The following PCDHA6 variants were observed in gnomAD, a reference collection of about 807,000 sequenced individuals.
PCDHA6 encodes protocadherin alpha-6.
In PCDHA6, 55 loss-of-function variants were observed where a neutral mutation model predicts 60.3. The observed-to-expected ratio is 0.91, with a 90% CI of 0.73 to 1.14. PCDHA6 has a LOEUF of 1.14. Among genes scored for constraint, PCDHA6 ranks in the 50% most tolerant of loss-of-function variants. The pLI is 0.00. For synonymous variants in PCDHA6, 652 were observed against 557.9 expected (o/e 1.17, Z -2.38); for missense variants, 1,327 against 1,256.5 (o/e 1.06, Z -0.85).
At chr5:140,992,708 C>T (rs2097525816) in intron 3 of PCDHA6, among the ~76,000 whole-genome samples, 1 of 152,100 alleles carries the variant, frequency 6.6e-6, no homozygotes, top group African/African-American at 2.4e-5. Context: ...ATGTTCCTGC[C>T]AGTATTCGTA....
chr5:141,006,275 G>A (rs782763386), intron 3 of PCDHA6, among the ~76,000 whole-genome samples: 1 of 151,772 alleles, frequency 6.6e-6, no homozygotes. Flanking sequence ...GCAGTGGCAC[G>A]ATCTCAGCTC....
At chr5:140,938,727 G>GA (rs2092176789) in intron 1 of PCDHA6, among the ~76,000 whole-genome samples, 1 of 151,904 alleles carries the variant, frequency 6.6e-6, no homozygotes, top group South Asian at 2.1e-4. Flanking sequence ...CGTTTCTACA[G>GA]AAAAAAATAA....
chr5:140,848,205 T>C (rs1781374439), intron 1 of PCDHA6: 1 of 336,638 alleles, frequency 3.0e-6, no homozygotes, highest in Non-Finnish European at 5.4e-6. Flanking sequence ...CAACAATCAT[T>C]ACTTAAGAAA....
At chr5:140,878,110 A>T in intron 1 of PCDHA6, 1 of 249,264 alleles carries the variant, frequency 4.0e-6, no homozygotes, top group South Asian at 1.2e-4. Context: ...CTTGAAAAAA[A>T]CAGTATATTA....
intron 1 of PCDHA6, among the ~76,000 whole-genome samples, chr5:140,880,546 T>C (rs919094204): frequency 7.9e-5 from 12 of 152,198 alleles, no homozygotes; most frequent in Non-Finnish European, 1.8e-4. Flanking sequence ...GAAAGTGAAC[T>C]GATGGAAATG....
chr5:140,911,480 G>A (rs2075504387), intron 1 of PCDHA6, among the ~76,000 whole-genome samples: 1 of 152,142 alleles, frequency 6.6e-6, no homozygotes, highest in African/African-American at 2.4e-5. Flanking sequence ...CTCTCACTCA[G>A]GGCAATCTTA....
At chr5:140,929,249 G>C (rs1212088369) in intron 1 of PCDHA6, 14 of 1,613,366 alleles carry the variant, frequency 8.7e-6, no homozygotes, top group Non-Finnish European at 1.2e-5. Flanking sequence ...CTTGCCACTG[G>C]GGTAGGACTG....
rs114871325 is a variant in PCDHA6, at chr5:140,841,052, T to C, written c.2394+10567T>C. 3.2e-3 allele frequency: 1,400 copies of C among 431,624 alleles called. 26 individuals carry two copies. The highest frequency in any genetic ancestry group is 0.026 in the African/African-American group (1,290 of 50,274). 26.7% of individuals were successfully genotyped at this position (431,624 alleles called of 1,614,324 possible). ...AATTGATAAAGTTAAGGATTTACTA[T>C]TAAATTATGATAAAGAAATAGAAAG... On this transcript the variant is annotated intron_variant, in intron 1 of 3. Transcript: ENST00000529310.
intron 1 of PCDHA6, chr5:140,841,254 A>T: frequency 6.6e-7 from 1 of 1,510,716 alleles, no homozygotes. Flanking sequence ...GGATTAAAAG[A>T]CTCTGAAAGT....
chr5:140,867,455 GTGTTATGACAACAT>G (rs1181061872), intron 1 of PCDHA6: 1 of 152,006 alleles, frequency 6.6e-6, no homozygotes, highest in East Asian at 1.9e-4. Flanking sequence ...TAGAGTTCTA[GTGTTATGACAACAT>G]TGGGAAAAGA....
intron 1 of PCDHA6, among the ~76,000 whole-genome samples, chr5:140,912,310 A>G (rs936183695): frequency 4.0e-5 from 6 of 151,764 alleles, no homozygotes; most frequent in African/African-American, 1.2e-4. Context: ...AATCCAGTCA[A>G]GTTGACCCTC....
chr5:140,942,359 C>T (rs943225700), intron 1 of PCDHA6, among the ~76,000 whole-genome samples: 5 of 151,564 alleles, frequency 3.3e-5, no homozygotes, highest in Non-Finnish European at 5.9e-5. Flanking sequence ...TTGCAGTTAA[C>T]GGAGATTGCA....
At position 140,843,977 on chromosome 5, in the gene PCDHA6, C is replaced by A. The variant is rs1357233460; in HGVS notation, c.2394+13492C>A. Reference sequence around the variant, plus strand: ...TTTACTGAATATTTATTTTGGCCTGCCTTACAGCCGTCTTCTCTGAACAAT... The same window carrying A: ...TTTACTGAATATTTATTTTGGCCTGACTTACAGCCGTCTTCTCTGAACAAT... On this transcript the variant is annotated intron_variant, in intron 1 of 3. Transcript: ENST00000529310. Among the ~76,000 whole-genome samples the A allele has an allele frequency of 1.3e-5, 2 of 149,352 alleles. 1 individual carries two copies.
intron 1 of PCDHA6, chr5:140,860,372 C>A (rs1315450697): frequency 1.3e-5 from 2 of 151,984 alleles, no homozygotes; most frequent in Non-Finnish European, 2.9e-5. Flanking sequence ...CAAAGTGAGA[C>A]CCTATTTCAA....
chr5:140,929,022 C>T (rs17844367), intron 1 of PCDHA6: 4 of 1,614,172 alleles, frequency 2.5e-6, no homozygotes, highest in Admixed American at 3.3e-5. Context: ...TGCACCAGAG[C>T]CCAGGCTGTT....
intron 1 of PCDHA6, among the ~76,000 whole-genome samples, chr5:140,923,228 CCAGAA>C (rs2081257346): frequency 1.4e-5 from 1 of 71,808 alleles, no homozygotes; most frequent in Admixed American, 1.5e-4. Flanking sequence ...TCGTTTGAGC[CCAGAA>C]GTTTGAGACC....
chr5:140,839,720 A>G (rs1398284509), intron 1 of PCDHA6, among the ~76,000 whole-genome samples: 1 of 152,072 alleles, frequency 6.6e-6, no homozygotes, highest in Admixed American at 6.6e-5. Context: ...AATTTAAATC[A>G]TTTCACAGAA....
chr5:140,877,793 C>T, intron 1 of PCDHA6: 1 of 1,613,948 alleles, frequency 6.2e-7, no homozygotes, highest in Non-Finnish European at 8.5e-7. Flanking sequence ...GCCTTCAGCC[C>T]AAGCCTTCAG....
intron 1 of PCDHA6, among the ~76,000 whole-genome samples, chr5:140,905,211 G>A (rs1554191947): frequency 6.6e-6 from 1 of 152,130 alleles, no homozygotes; most frequent in Non-Finnish European, 1.5e-5. Flanking sequence ...GTTGATTTTT[G>A]TGTAAGGTGA....
Sources: gnomAD v4.1 joint callset for allele counts (sites outside exome capture counted in the v4.1 genomes callset) on GRCh38, gnomAD v4.1.1 for gene constraint, MANE v1.5 for transcripts, NCBI Gene and HGNC (gene_info 2026-07-23, HGNC 2026-07-21) for gene names.